Variants in MCF2L observed in about 807,000 individuals in gnomAD.
The protein encoded by MCF2L is guanine nucleotide exchange factor DBS.
Under a neutral mutation model 153.4 loss-of-function variants are expected in MCF2L, and 97 were observed. The ratio of observed to expected loss-of-function variants is 0.63; its 90% CI spans 0.54 to 0.75. The LOEUF (loss-of-function observed/expected upper bound fraction) is 0.75, where lower values mean the gene tolerates loss of function less well. Ranked by LOEUF, MCF2L falls within the 30% of genes least tolerant of loss-of-function variation. The probability of loss-of-function intolerance (pLI) is 0.00; values close to 1 mark genes in which losing one functional copy is unlikely to be tolerated. For synonymous variants in MCF2L, 659 were observed against 632.2 expected, an observed-to-expected ratio of 1.04 and a Z score of -0.64; for missense variants, 1,347 against 1,495.2, an observed-to-expected ratio of 0.90 and a Z score of 1.64.
chr13:112,968,891 G>T (rs2081948505), upstream of MCF2L: 3 of 680,892 alleles, frequency 4.4e-6, 1 homozygote, highest in South Asian at 8.1e-5. Flanking sequence ...GCGGTGACAC[G>T]AATTTCTAGG....
chr13:113,090,256 C>T, intron 26 of MCF2L: 7 of 1,370,182 alleles, frequency 5.1e-6, no homozygotes, highest in Non-Finnish European at 6.8e-6. Flanking sequence ...ACAAGGGCGG[C>T]CACGCAAAAG....
At chr13:112,917,911 G>A (rs753363575) in intron 2 of MCF2L, among the ~76,000 whole-genome samples, 13 of 152,318 alleles carry the variant, frequency 8.5e-5, no homozygotes, top group South Asian at 8.3e-4. Flanking sequence ...GCCGGCTTGC[G>A]TCCCCAGGTG....
Position 113,094,642 on chromosome 13 carries a change from AC to A in MCF2L, c.3075+8del. On this transcript the variant is annotated splice_region_variant and intron_variant, in intron 27 of 29. Coordinates refer to ENST00000535094, the MANE Select transcript of MCF2L (RefSeq NM_001112732.3). ...GTTGGGCCCCAAGAAGCTGGTAACC[AC>A]GGCTTCCCTGTGGGCACTTGGGGTG... 1 of 1,607,008 alleles carries A rather than the reference AC, an allele frequency of 6.2e-7. No homozygotes were observed. The highest frequency in any genetic ancestry group is 8.5e-7 in the Non-Finnish European group (1 of 1,177,548).
chr13:112,962,035 GCACA>G (rs112061636), intron 2 of MCF2L, among the ~76,000 whole-genome samples: 1 of 148,670 alleles, frequency 6.7e-6, no homozygotes, highest in African/African-American at 2.5e-5. Context: ...ACCCAGGCAT[GCACA>G]CACACACACG....
intron 2 of MCF2L, among the ~76,000 whole-genome samples, chr13:113,016,718 G>A (rs531328346): frequency 6.6e-6 from 1 of 152,064 alleles, no homozygotes; most frequent in African/African-American, 2.4e-5. Flanking sequence ...TTGCACAGCC[G>A]GCCCTCTCCA....
chr13:112,898,426 C>T (rs556787022), intron 1 of MCF2L, among the ~76,000 whole-genome samples: 1 of 152,284 alleles, frequency 6.6e-6, no homozygotes, highest in Non-Finnish European at 1.5e-5. Context: ...TGGGTAAAGG[C>T]ACCATCCCCG....
At chr13:113,071,216 G>T (rs548713294) in intron 9 of MCF2L, among the ~76,000 whole-genome samples, 1 of 152,146 alleles carries the variant, frequency 6.6e-6, no homozygotes, top group South Asian at 2.1e-4. Context: ...TATTTCTGTT[G>T]CCCATTTTCT....
At chr13:112,909,476 G>A (rs974291010) in intron 2 of MCF2L, 8 of 587,828 alleles carry the variant, frequency 1.4e-5, no homozygotes, top group Admixed American at 5.5e-5. Context: ...CGTCAGGAGC[G>A]CACTTGGGAA....
Position 113,010,882 on chromosome 13 carries a change from A to G in MCF2L, c.80-3881A>G, listed in dbSNP as rs111729812. Reference sequence around the variant, plus strand: ...ACAGAGGCCATGCTCGCCTGCCTGCATCTCCTCTGGGGACCTGTCTCCTGA... The same window carrying G: ...ACAGAGGCCATGCTCGCCTGCCTGCGTCTCCTCTGGGGACCTGTCTCCTGA... On this transcript the variant is annotated intron_variant, in intron 1 of 29. Transcript: ENST00000535094. Among the ~76,000 whole-genome samples, 305 of 152,274 alleles carry G rather than the reference A, an allele frequency of 2.0e-3. 2 individuals carry two copies. Among genetic ancestry groups the G allele is most frequent in the African/African-American group, 6.8e-3 (281 of 41,552 alleles).
chr13:113,006,615 G>A (rs2083713520), intron 1 of MCF2L, among the ~76,000 whole-genome samples: 1 of 152,226 alleles, frequency 6.6e-6, no homozygotes, highest in Non-Finnish European at 1.5e-5. Flanking sequence ...GGCAGTGGCT[G>A]GGAGAGCAGG....
At chr13:112,963,034 C>T (rs1459502720) in intron 2 of MCF2L, among the ~76,000 whole-genome samples, 2 of 152,134 alleles carry the variant, frequency 1.3e-5, no homozygotes, top group African/African-American at 4.8e-5. Context: ...CTGTCTGGGC[C>T]TGGAGCTCTG....
chr13:112,966,147 A>T (rs2081890962), upstream of MCF2L: 1 of 152,266 alleles, frequency 6.6e-6, no homozygotes, highest in African/African-American at 2.4e-5. This position sits in a 1 kb window ranked among gnomAD's most constrained non-coding sequence, Gnocchi z 4.1. Context: ...GTGCTCCCTA[A>T]TGCCAGGTGT....
chr13:113,030,753 G>A, intron 3 of MCF2L, among the ~76,000 whole-genome samples: 1 of 152,184 alleles, frequency 6.6e-6, no homozygotes, highest in Non-Finnish European at 1.5e-5. Context: ...GCCTTGATAG[G>A]AGCCAAGGTC....
At chr13:112,916,488 C>T (rs1263630061) in intron 2 of MCF2L, among the ~76,000 whole-genome samples, 1 of 152,190 alleles carries the variant, frequency 6.6e-6, no homozygotes, top group Non-Finnish European at 1.5e-5. Context: ...TCCGCGCTCT[C>T]GCGTGCCTCA....
chr13:113,074,932 C>T lies in MCF2L; in HGVS notation c.1117-66C>T, dbSNP rs967336960. On this transcript the variant is annotated intron_variant, in intron 10 of 29. Transcript: ENST00000535094. The surrounding 1 kb of genome is among the most constrained non-coding windows in gnomAD (Gnocchi z 4.2). ...TGTGCCCCGGGACACACATCCCGTA[C>T]AGCAAGGCACTGTGTGCCTCGAACA... The T allele has an allele frequency of 6.4e-6, 9 of 1,396,376 alleles. No individual in the cohort carries two copies. The highest frequency in any genetic ancestry group is 2.0e-5 in the Admixed American group (1 of 49,738). 86.5% of individuals were successfully genotyped at this position (1,396,376 alleles called of 1,614,324 possible).
In MCF2L at chr13:113,046,098, G is replaced by C. The variant is rs192037672; in HGVS notation, c.369+737G>C. On this transcript the variant is annotated intron_variant, in intron 4 of 29. Transcript: ENST00000535094. The surrounding 1 kb of genome is among the most constrained non-coding windows in gnomAD (Gnocchi z 4.4). ...GGTTTGCTGTTGGTTTTAACCCAGA[G>C]TAATCATTTAAGAGGGAAGAGATTA... The C allele has an allele frequency of 6.4e-6, 1 of 157,158 alleles. No individual in the cohort carries two copies. Among genetic ancestry groups the C allele is most frequent in the African/African-American group, 2.4e-5 (1 of 41,462 alleles). 9.7% of individuals were successfully genotyped at this position (157,158 alleles called of 1,614,324 possible).
At chr13:113,077,984 C>T (rs111983904) in intron 13 of MCF2L, among the ~76,000 whole-genome samples, 22 of 152,338 alleles carry the variant, frequency 1.4e-4, no homozygotes, top group Non-Finnish European at 2.5e-4. Context: ...GCTGTGTCCC[C>T]GTGGGCTGTG....
intron 3 of MCF2L, among the ~76,000 whole-genome samples, chr13:113,034,483 G>A (rs1212000588): frequency 1.3e-5 from 2 of 152,150 alleles, no homozygotes; most frequent in African/African-American, 2.4e-5. Flanking sequence ...TGCTTATTGG[G>A]CTGCACGATG....
In MCF2L at chr13:113,081,216, C is replaced by T. The variant is rs375551649; in HGVS notation, c.1812C>T (p.His604=). 173 of 1,583,740 alleles carry T rather than the reference C, an allele frequency of 1.1e-4. No homozygotes were observed. Among genetic ancestry groups the T allele is most frequent in the Non-Finnish European group, 1.2e-4 (140 of 1,165,490 alleles). The change falls in exon 16 of 30, where the codon CAC becomes CAT. Residue 604 remains histidine (H), a synonymous_variant. Transcript: ENST00000535094. ...TCTCCACATGACCTGCCACCAGGCA[C>T]GTGATGAGCGAGCTCCTGGACACAG... ...EEESLAILRR[H]VMSELLDTER...
Sources: gnomAD v4.1 joint callset for allele counts (sites outside exome capture counted in the v4.1 genomes callset) on GRCh38, gnomAD v4.1.1 for gene constraint, Gnocchi (gnomAD v3.1) non-coding constraint, MANE v1.5 for transcripts, NCBI Gene and HGNC (gene_info 2026-07-23, HGNC 2026-07-21) for gene names.